The following XYLB variants were observed in gnomAD, a reference collection of about 807,000 sequenced individuals.
The protein encoded by XYLB is xylulokinase.
XYLB carries 62 observed loss-of-function variants against 78.7 expected under a neutral mutation model. That is an observed-to-expected ratio of 0.79 (90% CI 0.64 to 0.97). XYLB has a LOEUF of 0.97. Among genes scored for constraint, XYLB ranks in the 50% least tolerant of loss-of-function variants. The pLI, the probability that XYLB is intolerant of heterozygous loss-of-function variation, is 0.00. For synonymous variants in XYLB, 245 were observed against 247.4 expected (o/e 0.99, Z 0.09); for missense variants, 687 against 676.8 (o/e 1.02, Z -0.17).
chr3:38,387,440 G>A (rs188429394), intron 15 of XYLB, among the ~76,000 whole-genome samples: 19 of 151,822 alleles, frequency 1.3e-4, no homozygotes, highest in Non-Finnish European at 1.2e-4. Context: ...GCATGATCTC[G>A]GCTCACTCCA....
At chr3:38,365,142 A>C in intron 4 of XYLB, 57 bp from the exon 5 acceptor site, 1 of 1,541,636 alleles carries the variant, frequency 6.5e-7, no homozygotes, top group South Asian at 1.1e-5. Context: ...CTGTGTCTTC[A>C]GGAGGCTGTG....
intron 15 of XYLB, among the ~76,000 whole-genome samples, chr3:38,386,543 C>A (rs1157848002): frequency 6.6e-6 from 1 of 150,628 alleles, no homozygotes; most frequent in East Asian, 1.9e-4. Context: ...GTTCTTTTTT[C>A]TTTCTTATTC....
downstream of XYLB, among the ~76,000 whole-genome samples, chr3:38,419,042 T>C (rs146770481): frequency 8.5e-4 from 130 of 152,236 alleles, no homozygotes; most frequent in East Asian, 0.025. Context: ...CACTAAACAA[T>C]AACTCCTATT....
At chr3:38,360,946 A>T (rs1705935515) in intron 3 of XYLB, among the ~76,000 whole-genome samples, 1 of 152,206 alleles carries the variant, frequency 6.6e-6, no homozygotes, top group African/African-American at 2.4e-5. Flanking sequence ...GAGGTAGGAG[A>T]ATCACTTGAA....
the XYLB span, among the ~76,000 whole-genome samples, chr3:38,434,139 G>A: frequency 1.3e-5 from 2 of 152,124 alleles, no homozygotes; most frequent in Non-Finnish European, 2.9e-5. Flanking sequence ...GAACAGCATG[G>A]GGAAAACCAT....
intron 15 of XYLB, among the ~76,000 whole-genome samples, chr3:38,385,054 G>A (rs1187726071): frequency 6.6e-6 from 1 of 152,152 alleles, no homozygotes; most frequent in Non-Finnish European, 1.5e-5. Context: ...AGGCTGGAGT[G>A]CAGTGGTACA....
intron 17 of XYLB, 73 bp downstream of exon 17, chr3:38,397,232 G>C: frequency 7.3e-7 from 1 of 1,369,376 alleles, no homozygotes; most frequent in Non-Finnish European, 1.0e-6. Context: ...GGGTGGAAAG[G>C]GGAGAGTGAG....
the XYLB span, among the ~76,000 whole-genome samples, chr3:38,448,968 C>T: frequency 6.6e-6 from 1 of 152,074 alleles, no homozygotes; most frequent in African/African-American, 2.4e-5. Flanking sequence ...GCTTTTGTTG[C>T]TATTAGTAGT....
At chr3:38,368,336 T>C (rs1269350071) in intron 8 of XYLB, 79 bp downstream of exon 8, 50 of 1,302,504 alleles carry the variant, frequency 3.8e-5, no homozygotes, top group Non-Finnish European at 5.3e-5. Context: ...GAGCCCCACC[T>C]ACCCCGAGTG....
intron 18 of XYLB, among the ~76,000 whole-genome samples, chr3:38,402,559 C>T (rs115683297): frequency 6.2e-4 from 95 of 152,294 alleles, no homozygotes; most frequent in African/African-American, 2.2e-3. Flanking sequence ...GATTCAATGT[C>T]GAGATAAAGG....
At chr3:38,401,006 G>T (rs757957119) in intron 18 of XYLB, 21 bp downstream of exon 18, 1 of 1,610,792 alleles carries the variant, frequency 6.2e-7, no homozygotes, top group Non-Finnish European at 8.5e-7. Context: ...ATCGGAATTT[G>T]TTTGTAGCAT....
At chr3:38,374,425 GC>G in intron 10 of XYLB, 36 bp from the exon 11 acceptor site, 1 of 1,613,912 alleles carries the variant, frequency 6.2e-7, no homozygotes, top group Non-Finnish European at 8.5e-7. Context: ...TTCCCATGTG[GC>G]CGCCAGCTAA....
At chr3:38,348,708 G>C in intron 2 of XYLB, 76 bp downstream of exon 2, 7 of 1,367,532 alleles carry the variant, frequency 5.1e-6, no homozygotes, top group Non-Finnish European at 7.3e-6. Context: ...TGTATTCGCA[G>C]ACCGCACTGT....
Position 38,368,258 on chromosome 3 carries a change from G to C in XYLB, c.646+1G>C. On this transcript the variant is annotated splice_donor_variant, in intron 8 of 18. Coordinates refer to ENST00000207870, the MANE Select transcript of XYLB (RefSeq NM_005108.4). LOFTEE classifies it high-confidence loss of function. Reference sequence around the variant, plus strand: ...TACTCCCCTATTGACTACAGTGATGGTGAGCCTCGGGGTATGGGGTGGGTG... The same window carrying C: ...TACTCCCCTATTGACTACAGTGATGCTGAGCCTCGGGGTATGGGGTGGGTG... 1 of 1,614,048 alleles carries C rather than the reference G, an allele frequency of 6.2e-7. No homozygotes were observed. The highest frequency in any genetic ancestry group is 8.5e-7 in the Non-Finnish European group (1 of 1,179,966).
At chr3:38,443,292 C>T in the XYLB span, among the ~76,000 whole-genome samples, 1 of 152,166 alleles carries the variant, frequency 6.6e-6, no homozygotes, top group Admixed American at 6.5e-5. Context: ...GTTCCAGGCA[C>T]CCTCAGTCCT....
At chr3:38,423,621 G>A (rs999073395), downstream of XYLB, among the ~76,000 whole-genome samples, 23 of 152,286 alleles carry the variant, frequency 1.5e-4, no homozygotes, top group African/African-American at 5.5e-4. Context: ...CCTGCTTAGC[G>A]TTTTCATTGG....
chr3:38,363,482 C>G (rs1706086907), intron 4 of XYLB, among the ~76,000 whole-genome samples: 1 of 152,174 alleles, frequency 6.6e-6, no homozygotes, highest in Non-Finnish European at 1.5e-5. Context: ...AACTCTGAGG[C>G]CTTTCCAGAT....
intron 8 of XYLB, 43 bp downstream of exon 8, chr3:38,368,300 G>A: frequency 6.3e-7 from 1 of 1,585,584 alleles, no homozygotes; most frequent in East Asian, 2.2e-5. Flanking sequence ...CAGTGTGCAT[G>A]TGGCATGTGG....
At chr3:38,347,923 C>G (rs566803170) in intron 1 of XYLB, among the ~76,000 whole-genome samples, 32 of 152,342 alleles carry the variant, frequency 2.1e-4, no homozygotes, top group African/African-American at 7.5e-4. Context: ...GCAGTCAAAC[C>G]CCTCTTCTCG....
Sources: gnomAD v4.1 joint callset for allele counts (sites outside exome capture counted in the v4.1 genomes callset) on GRCh38, gnomAD v4.1.1 for gene constraint, MANE v1.5 for transcripts, NCBI Gene and HGNC (gene_info 2026-07-23, HGNC 2026-07-21) for gene names.